The following ARFGEF3 variants were observed in gnomAD, a reference collection of about 807,000 sequenced individuals.
ARFGEF3 encodes brefeldin A-inhibited guanine nucleotide-exchange protein 3.
Under a neutral mutation model 221.7 loss-of-function variants are expected in ARFGEF3, and 96 were observed. The observed-to-expected ratio is 0.43, with a 90% confidence interval of 0.37 to 0.51. ARFGEF3 has a LOEUF of 0.51. Ranked by LOEUF, ARFGEF3 falls within the 20% of genes least tolerant of loss-of-function variation. The probability of loss-of-function intolerance (pLI) is 0.00; values close to 1 mark genes in which losing one functional copy is unlikely to be tolerated. For missense variants in ARFGEF3, 2,410 were observed against 2,789.9 expected, an observed-to-expected ratio of 0.86 and a Z score of 3.07; for synonymous variants, 1,145 against 1,126.8, an observed-to-expected ratio of 1.02 and a Z score of -0.32.
chr6:138,207,197 A>C (rs1291800836), intron 3 of ARFGEF3, 74 bp downstream of exon 3: 4 of 1,109,742 alleles, frequency 3.6e-6, no homozygotes, highest in Non-Finnish European at 5.4e-6. Context: ...GCAAATAGTT[A>C]ACATTTTAAA....
chr6:138,165,272 G>A lies in ARFGEF3; in HGVS notation c.85+3101G>A, dbSNP rs1776702275. On this transcript the variant is annotated intron_variant, in intron 1 of 33. Coordinates refer to ENST00000251691, the MANE Select transcript of ARFGEF3 (RefSeq NM_020340.5). ...GATATCCCCCTCTGAGACCCTCATG[G>A]GAGAGAGATCATCCTTGATTTAGAC... is the stretch of plus-strand genomic sequence containing the variant. Among the ~76,000 whole-genome samples, 4 of 151,414 alleles carry A rather than the reference G, an allele frequency of 2.6e-5. No homozygotes were observed. The South Asian group carries it at 8.4e-4, about 32-fold the overall frequency.
chr6:138,176,351 T>C (rs754038928), intron 2 of ARFGEF3, among the ~76,000 whole-genome samples: 8 of 151,952 alleles, frequency 5.3e-5, no homozygotes, highest in African/African-American at 1.7e-4. Flanking sequence ...CCCGGCCAAT[T>C]TTTGTGTTTT....
At chr6:138,183,777 C>T (rs535258722) in intron 2 of ARFGEF3, among the ~76,000 whole-genome samples, 2 of 152,334 alleles carry the variant, frequency 1.3e-5, no homozygotes, top group East Asian at 1.9e-4. Flanking sequence ...GTCATTTTGC[C>T]TGTCAGTTTC....
intron 12 of ARFGEF3, among the ~76,000 whole-genome samples, chr6:138,272,345 C>T (rs1214376339): frequency 7.2e-5 from 11 of 152,070 alleles, no homozygotes; most frequent in African/African-American, 1.4e-4. Context: ...TGAGTAGAGA[C>T]GTGGTTTCAC....
rs751168135 is a variant in ARFGEF3, at chr6:138,308,869, G to A, written c.4096+8G>A. 1 of 1,613,942 alleles carries A rather than the reference G, an allele frequency of 6.2e-7. No individual in the cohort carries two copies. Among genetic ancestry groups the A allele is most frequent in the Non-Finnish European group, 8.5e-7 (1 of 1,179,866 alleles). On this transcript the variant is annotated splice_region_variant and intron_variant, in intron 24 of 33. Transcript: ENST00000251691. ...AGTTTGTCAAAGGACTGGGTAAGCA[G>A]AACCCTTCTCTCATGCCTTGTAACT...
At position 138,285,952 on chromosome 6, in the gene ARFGEF3, A is replaced by G; in HGVS notation, c.2468A>G (p.Asp823Gly). The G allele has an allele frequency of 6.2e-7, 1 of 1,608,336 alleles. No individual in the cohort carries two copies. Among genetic ancestry groups the G allele is most frequent in the Non-Finnish European group, 8.5e-7 (1 of 1,176,268 alleles). ...CTTTCTTTTTCCTTGACAGATATTG[A>G]CGGCTTAGAGAGCAGTGCCATTGGT... ...LPLITMLTDI[D>G]GLESSAIGGQ... The change falls in exon 15 of 34, where the codon GAC becomes GGC. Residue 823 changes from aspartate (D) to glycine (G), a missense_variant. Transcript: ENST00000251691.
chr6:138,285,337 G>C (rs1027478321), intron 14 of ARFGEF3, among the ~76,000 whole-genome samples: 2 of 151,804 alleles, frequency 1.3e-5, no homozygotes, highest in African/African-American at 4.8e-5. Context: ...TGTAGTCCCA[G>C]CTACTCGGGA....
chr6:138,311,419 G>T lies in ARFGEF3; in HGVS notation c.4109G>T (p.Cys1370Phe), dbSNP rs755360881. ...GTGCCGCCCCTAGGGGAGGTGGACT[G>T]TAAAGAGATTGGAGACTGTGCCCCA... is the stretch of plus-strand genomic sequence containing the variant. ...KFVKGLGEVD[C>F]KEIGDCAPAP... The change falls in exon 25 of 34, where the codon TGT becomes TTT. Residue 1370 changes from cysteine to phenylalanine, a missense_variant. By Grantham distance (205) the Cys-to-Phe change is radical. Around this residue, in one of 5 missense-constraint regions of ARFGEF3, gnomAD observed 723 missense variants for 991.9 expected, o/e 0.73. Coordinates refer to ENST00000251691, the MANE Select transcript of ARFGEF3 (RefSeq NM_020340.5). 6.2e-7 allele frequency: 1 copy of T among 1,606,106 alleles called. No homozygotes were observed. Among genetic ancestry groups the T allele is most frequent in the South Asian group, 1.1e-5 (1 of 88,870 alleles).
At chr6:138,170,760 C>T (rs781314836) in intron 2 of ARFGEF3, 47 bp downstream of exon 2, 5 of 1,106,500 alleles carry the variant, frequency 4.5e-6, no homozygotes, top group African/African-American at 1.6e-5. Context: ...ATATTACCCA[C>T]TGAAGGCCCA....
At chr6:138,260,851 A>C (rs1778779042) in intron 10 of ARFGEF3, among the ~76,000 whole-genome samples, 1 of 152,192 alleles carries the variant, frequency 6.6e-6, no homozygotes. Flanking sequence ...CACACATTAA[A>C]GAAATAAAAG....
At position 138,291,933 on chromosome 6, in the gene ARFGEF3, C is replaced by A; in HGVS notation, c.3248C>A (p.Ser1083Tyr). ...ACGGCCCCTGTCGTCCAGCCCCTGT[C>A]CATCCAGGACCTCGTCCGGGAAGGC... ...LSTAPVVQPLSIQDLVREGSR... is the reference protein window; with the variant it reads ...LSTAPVVQPLYIQDLVREGSR... The change falls in exon 19 of 34, where the codon TCC becomes TAC. Residue 1083 changes from serine (S) to tyrosine (Y), a missense_variant. Transcript: ENST00000251691. The surrounding 1 kb of genome is among the most constrained non-coding windows in gnomAD (Gnocchi z 4.5). 2 of 1,508,220 alleles carry A rather than the reference C, an allele frequency of 1.3e-6. No individual in the cohort carries two copies. Among genetic ancestry groups the A allele is most frequent in the Non-Finnish European group, 1.8e-6 (2 of 1,127,412 alleles). 93.4% of individuals were successfully genotyped at this position (1,508,220 alleles called of 1,614,324 possible). A position where few individuals can be genotyped will look rare whatever the true frequency, so the allele number is the denominator to read the frequency against.
Position 138,285,972 on chromosome 6 carries a change from A to C in ARFGEF3, c.2488A>C (p.Ile830Leu). ...TATTGACGGCTTAGAGAGCAGTGCC[A>C]TTGGTGGCCAGCTGATGGCCTCGGC... ...TDIDGLESSA[I>L]GGQLMASAAT... Residue 830 changes from isoleucine to leucine, a missense_variant, in exon 15 of 34, where the codon ATT (isoleucine) becomes CTT (leucine). Ile to Leu is a conservative substitution (Grantham distance 5). Coordinates refer to ENST00000251691, the MANE Select transcript of ARFGEF3 (RefSeq NM_020340.5). 1 of 1,611,852 alleles carries C rather than the reference A, an allele frequency of 6.2e-7. No individual in the cohort carries two copies. Among genetic ancestry groups the C allele is most frequent in the Non-Finnish European group, 8.5e-7 (1 of 1,179,508 alleles).
rs574974734 is a variant in ARFGEF3, at chr6:138,218,349, ATAT to A, written c.351+8310_351+8312del. ...TTTTCTGATCTGTAAAATGTGAATAATATTGTGCATATCCTCATATTTCTGGTT... is the reference window on the plus strand; with the variant it reads ...TTTTCTGATCTGTAAAATGTGAATAATGTGCATATCCTCATATTTCTGGTT... On this transcript the variant is annotated intron_variant, in intron 4 of 33. Coordinates refer to ENST00000251691, the MANE Select transcript of ARFGEF3 (RefSeq NM_020340.5). 633 of 1,552,204 alleles carry A rather than the reference ATAT, an allele frequency of 4.1e-4. 3 individuals carry two copies. In the African/African-American group the frequency reaches 7.8e-3, roughly 19 times the overall value.
chr6:138,266,848 C>CAAAAGAAAAAAA (rs1778904335), intron 12 of ARFGEF3, among the ~76,000 whole-genome samples: 1 of 77,410 alleles, frequency 1.3e-5, no homozygotes, highest in Non-Finnish European at 2.3e-5. Context: ...GACTCCATCT[C>CAAAAGAAAAAAA]AAAAAAAAAA....
In ARFGEF3 at chr6:138,337,110, C is replaced by G. The variant is rs1780340554; in HGVS notation, c.*624C>G. On this transcript the variant is annotated 3_prime_UTR_variant, in exon 34 of 34. Coordinates refer to ENST00000251691, the MANE Select transcript of ARFGEF3 (RefSeq NM_020340.5). ...GATTTTCAGGTATTCACCAATTTCCCCATGTAAGGTACTGTGTTGTACCTT... is the reference window on the plus strand; with the variant it reads ...GATTTTCAGGTATTCACCAATTTCCGCATGTAAGGTACTGTGTTGTACCTT... 6.6e-6 allele frequency: 1 copy of G among 152,608 alleles called. No homozygotes were observed. The highest frequency in any genetic ancestry group is 1.5e-5 in the Non-Finnish European group (1 of 68,036). 9.5% of individuals were successfully genotyped at this position (152,608 alleles called of 1,614,324 possible).
chr6:138,270,638 G>A (rs1562374823), intron 12 of ARFGEF3, among the ~76,000 whole-genome samples: 1 of 152,206 alleles, frequency 6.6e-6, no homozygotes, highest in African/African-American at 2.4e-5. Context: ...CAGATTAAAT[G>A]CAGTAGTACA....
chr6:138,162,160 C>A lies in ARFGEF3; in HGVS notation c.74C>A (p.Thr25Asn). ...SKYKAIKESCTWALETLGGLD... is the reference protein window; with the variant it reads ...SKYKAIKESCNWALETLGGLD... ...TACAAAGCCATCAAGGAGAGCTGCA[C>A]CTGGGCCCTGGGTAAGCGTCCGGCA... The change falls in exon 1 of 34, where the codon ACC becomes AAC. Residue 25 changes from threonine (T) to asparagine (N), a missense_variant. Transcript: ENST00000251691. This position sits in a 1 kb window ranked among gnomAD's most constrained non-coding sequence, Gnocchi z 4.7. 1 of 1,599,450 alleles carries A rather than the reference C, an allele frequency of 6.3e-7. No individual in the cohort carries two copies. The highest frequency in any genetic ancestry group is 8.5e-7 in the Non-Finnish European group (1 of 1,172,412).
At chr6:138,217,060 A>G (rs1416319496) in intron 4 of ARFGEF3, 3 of 152,268 alleles carry the variant, frequency 2.0e-5, no homozygotes, top group Non-Finnish European at 4.4e-5. Flanking sequence ...ATGAAAAAGT[A>G]ATGAACAAAC....
Position 138,336,587 on chromosome 6 carries a change from A to G in ARFGEF3, c.*101A>G, listed in dbSNP as rs1780330755. 1.1e-6 allele frequency: 1 copy of G among 916,588 alleles called. No homozygotes were observed. The highest frequency in any genetic ancestry group is 1.9e-5 in the South Asian group (1 of 51,658). 56.8% of individuals were successfully genotyped at this position (916,588 alleles called of 1,614,324 possible). A position where few individuals can be genotyped will look rare whatever the true frequency, so the allele number is the denominator to read the frequency against. The stretch of plus-strand genomic sequence containing the variant: ...CCCCACCACTAGCCCCACTTAAACT[A>G]CTACTACTGTCTCAGAGAACAGTGT... On this transcript the variant is annotated 3_prime_UTR_variant, in exon 34 of 34. Transcript: ENST00000251691.
Sources: gnomAD v4.1 joint callset for allele counts (sites outside exome capture counted in the v4.1 genomes callset) on GRCh38, gnomAD v4.1.1 for gene constraint, gnomAD v4.1.1 regional missense constraint, Gnocchi (gnomAD v3.1) non-coding constraint, MANE v1.5 for transcripts, NCBI Gene and HGNC (gene_info 2026-07-23, HGNC 2026-07-21) for gene names.